The following NEK7 variants were observed in gnomAD, a reference collection of about 807,000 sequenced individuals.
NEK7 encodes the protein NIMA related kinase 7.
In NEK7, 18 loss-of-function variants were observed where a neutral mutation model predicts 44.6. The observed-to-expected ratio is 0.40, with a 90% CI of 0.28 to 0.60. The LOEUF is 0.60. Ranked by LOEUF, NEK7 falls within the 20% of genes least tolerant of loss-of-function variation. NEK7 has a pLI of 0.38. For synonymous variants in NEK7, 130 were observed against 121.1 expected, an observed-to-expected ratio of 1.07 and a Z score of -0.48; for missense variants, 256 against 366.5, an observed-to-expected ratio of 0.70 and a Z score of 2.46.
At chr1:198,283,630 G>C (rs1218936960) in intron 7 of NEK7, among the ~76,000 whole-genome samples, 1 of 152,042 alleles carries the variant, frequency 6.6e-6, no homozygotes, top group Non-Finnish European at 1.5e-5. Context: ...GGACACTTAT[G>C]AATTTTGCCT....
At chr1:198,257,737 A>G (rs1384855451) in intron 3 of NEK7, among the ~76,000 whole-genome samples, 1 of 152,188 alleles carries the variant, frequency 6.6e-6, no homozygotes, top group Non-Finnish European at 1.5e-5. Context: ...ATAGGCTTTT[A>G]TCTTTAAAAT....
At chr1:198,276,247 C>A (rs1654013515) in intron 5 of NEK7, among the ~76,000 whole-genome samples, 1 of 151,488 alleles carries the variant, frequency 6.6e-6, no homozygotes, top group Non-Finnish European at 1.5e-5. Context: ...AAGTAAACTG[C>A]CAACTACATT....
At chr1:198,274,939 G>A (rs747254532) in intron 5 of NEK7, among the ~76,000 whole-genome samples, 2 of 151,702 alleles carry the variant, frequency 1.3e-5, no homozygotes, top group African/African-American at 2.4e-5. Flanking sequence ...CACTTAGGTG[G>A]TGACGCAGAT....
At chr1:198,300,909 A>G (rs1571615330) in intron 9 of NEK7, among the ~76,000 whole-genome samples, 2 of 152,342 alleles carry the variant, frequency 1.3e-5, no homozygotes, top group East Asian at 3.9e-4. Flanking sequence ...TCTATTTTAC[A>G]TAGGCATCAT....
intron 3 of NEK7, among the ~76,000 whole-genome samples, chr1:198,256,998 T>C (rs984365936): frequency 6.6e-6 from 1 of 152,192 alleles, no homozygotes; most frequent in Non-Finnish European, 1.5e-5. Flanking sequence ...TCTCACTGTT[T>C]CTTAGTTCTT....
chr1:198,301,604 A>G lies in NEK7; in HGVS notation c.798+4364A>G, dbSNP rs577951517. Among the ~76,000 whole-genome samples, 4 of 152,278 alleles carry G rather than the reference A, an allele frequency of 2.6e-5. 1 individual carries two copies. In the South Asian group the frequency reaches 8.3e-4, roughly 32 times the overall value. ...TTCTTTTCATGTTAGGTTTGAGGAG[A>G]TAGATTTGGAAGAAAGTTCTGTAAG... On this transcript the variant is annotated intron_variant, in intron 9 of 9. Transcript: ENST00000367385.
chr1:198,198,111 G>T, intron 1 of NEK7: 1 of 1,217,148 alleles, frequency 8.2e-7, no homozygotes, highest in Middle Eastern at 2.9e-4. Context: ...GGGTGGGCAG[G>T]ATTGGAACCT....
At chr1:198,269,066 C>T (rs917609015) in intron 5 of NEK7, among the ~76,000 whole-genome samples, 11 of 152,134 alleles carry the variant, frequency 7.2e-5, no homozygotes, top group Admixed American at 5.2e-4. Flanking sequence ...ATCATGTATT[C>T]ATGTGTGTAA....
chr1:198,258,969 TCTTGA>T (rs1272982081), intron 3 of NEK7, among the ~76,000 whole-genome samples: 3 of 152,182 alleles, frequency 2.0e-5, no homozygotes, highest in Non-Finnish European at 4.4e-5. Context: ...TTTATTTTTG[TCTTGA>T]CTTGTTGGCT....
At chr1:198,167,195 A>C (rs1331597257) in intron 1 of NEK7, among the ~76,000 whole-genome samples, 1 of 152,184 alleles carries the variant, frequency 6.6e-6, no homozygotes, top group African/African-American at 2.4e-5. Flanking sequence ...TCTGACATGC[A>C]GGTTCTTCCT....
chr1:198,281,051 A>C (rs992369725), intron 7 of NEK7, among the ~76,000 whole-genome samples: 2 of 151,928 alleles, frequency 1.3e-5, no homozygotes, highest in Admixed American at 6.6e-5. Flanking sequence ...TTCACTAAGC[A>C]TAGTGCATTG....
At chr1:198,300,309 C>G (rs1473767195) in intron 9 of NEK7, among the ~76,000 whole-genome samples, 1 of 152,152 alleles carries the variant, frequency 6.6e-6, no homozygotes, top group East Asian at 1.9e-4. Flanking sequence ...GTAAACTGAC[C>G]TGGGCTCATC....
At chr1:198,316,910 G>A (rs1445377071) in intron 9 of NEK7, among the ~76,000 whole-genome samples, 1 of 152,196 alleles carries the variant, frequency 6.6e-6, no homozygotes, top group Non-Finnish European at 1.5e-5. Context: ...CTTGTGGACA[G>A]GTCCTTTGTC....
chr1:198,305,802 G>A (rs572940777), intron 9 of NEK7, among the ~76,000 whole-genome samples: 1 of 152,286 alleles, frequency 6.6e-6, no homozygotes, highest in South Asian at 2.1e-4. Flanking sequence ...CCTATGAAAT[G>A]TGAAGGCAGA....
At chr1:198,313,247 G>T (rs1156322292) in intron 9 of NEK7, among the ~76,000 whole-genome samples, 1 of 152,126 alleles carries the variant, frequency 6.6e-6, no homozygotes, top group Non-Finnish European at 1.5e-5. Flanking sequence ...TTTTATCAGA[G>T]ACTAGGATTG....
chr1:198,254,081 T>A (rs114569392), intron 3 of NEK7, among the ~76,000 whole-genome samples: 3,743 of 152,148 alleles, frequency 0.025, 71 homozygotes, highest in African/African-American at 0.046. Flanking sequence ...TTTTTTTTTT[T>A]AAACTTCTTA....
At chr1:198,178,034 C>T (rs1410700677) in intron 1 of NEK7, among the ~76,000 whole-genome samples, 2 of 150,874 alleles carry the variant, frequency 1.3e-5, no homozygotes, top group African/African-American at 4.9e-5. Flanking sequence ...TAAAAGGACT[C>T]AGATTAAAGA....
chr1:198,301,487 T>C (rs1416049755), intron 9 of NEK7, among the ~76,000 whole-genome samples: 2 of 152,342 alleles, frequency 1.3e-5, no homozygotes, highest in African/African-American at 4.8e-5. Context: ...GAGGCAGAAC[T>C]TGCAGTGAGC....
intron 1 of NEK7, among the ~76,000 whole-genome samples, chr1:198,218,345 G>A (rs1029038002): frequency 6.6e-6 from 1 of 152,076 alleles, no homozygotes; most frequent in Non-Finnish European, 1.5e-5. Context: ...GATAAATGGC[G>A]CTGGGAAAAT....
Sources: gnomAD v4.1 joint callset for allele counts (sites outside exome capture counted in the v4.1 genomes callset) on GRCh38, gnomAD v4.1.1 for gene constraint, MANE v1.5 for transcripts, NCBI Gene and HGNC (gene_info 2026-07-23, HGNC 2026-07-21) for gene names.